PCLO: variants seen among roughly 807,000 people sequenced by gnomAD.
PCLO encodes protein piccolo.
In PCLO, 82 loss-of-function variants were observed where a neutral mutation model predicts 427.5. The ratio of observed to expected loss-of-function variants is 0.19; its 90% confidence interval spans 0.16 to 0.23. The LOEUF is 0.23. PCLO is among the 10% of genes least tolerant of loss of function. The pLI, the probability that PCLO is intolerant of heterozygous loss-of-function variation, is 1.00. For synonymous variants in PCLO, 2,357 were observed against 2,155.4 expected (o/e 1.09, Z -2.59); for missense variants, 6,239 against 6,115.9 (o/e 1.02, Z -0.67).
chr7:83,152,120 A>G (rs577416293), intron 2 of PCLO, among the ~76,000 whole-genome samples: 4 of 151,864 alleles, frequency 2.6e-5, no homozygotes, highest in African/African-American at 9.7e-5. Context: ...GCCCGCCACC[A>G]CGCCCGGCTA....
intron 20 of PCLO, chr7:82,821,712 T>A: frequency 1.0e-6 from 1 of 983,372 alleles, no homozygotes; most frequent in Non-Finnish European, 1.2e-6. Flanking sequence ...TGATTTCCAA[T>A]GGTTAGAAAA....
chr7:82,806,959 T>C (rs35541796), intron 20 of PCLO, among the ~76,000 whole-genome samples: 150 of 100,136 alleles, frequency 1.5e-3, no homozygotes, highest in Middle Eastern at 4.7e-3. Context: ...TCTATTCTCT[T>C]CTCAAGGTAT....
chr7:82,904,094 A>G (rs1235696081), intron 8 of PCLO, among the ~76,000 whole-genome samples: 1 of 152,004 alleles, frequency 6.6e-6, no homozygotes. Flanking sequence ...GCAGAGTAAA[A>G]CAAAAATACT....
chr7:82,812,872 C>T (rs1006665479), intron 20 of PCLO, among the ~76,000 whole-genome samples: 2 of 151,010 alleles, frequency 1.3e-5, no homozygotes, highest in Non-Finnish European at 3.0e-5. Flanking sequence ...ACTACACTTG[C>T]ATTAGGCTGT....
chr7:83,012,959 T>G (rs920356153), intron 3 of PCLO, among the ~76,000 whole-genome samples: 1 of 152,150 alleles, frequency 6.6e-6, no homozygotes, highest in Non-Finnish European at 1.5e-5. Flanking sequence ...AACTTCCCTA[T>G]GCTGCCACAC....
intron 21 of PCLO, among the ~76,000 whole-genome samples, chr7:82,804,582 G>T (rs769481579): frequency 6.6e-6 from 1 of 152,072 alleles, no homozygotes; most frequent in Non-Finnish European, 1.5e-5. Flanking sequence ...TCACAACCCA[G>T]CTCAGGGTTG....
At chr7:82,902,272 T>C (rs1794061794) in intron 9 of PCLO, among the ~76,000 whole-genome samples, 1 of 151,690 alleles carries the variant, frequency 6.6e-6, no homozygotes, top group Admixed American at 6.6e-5. Context: ...TCATGTCCTT[T>C]GTAGGGACAT....
chr7:83,093,620 G>A lies in PCLO; in HGVS notation c.3300+40630C>T, dbSNP rs1328434234. Among the ~76,000 whole-genome samples the A allele has an allele frequency of 3.4e-5, 5 of 147,816 alleles. No homozygotes were observed. In the South Asian group the frequency reaches 8.5e-4, roughly 25 times the overall value. ...CCATTCTCCTGCCTCAGCCTCCCGA[G>A]TAGCTGGGACTACAGGCGCCCGCTA... On this transcript the variant is annotated intron_variant, in intron 3 of 24. Coordinates refer to ENST00000333891, the MANE Select transcript of PCLO (RefSeq NM_033026.6).
intron 22 of PCLO, among the ~76,000 whole-genome samples, chr7:82,777,294 G>A (rs929059056): frequency 1.3e-5 from 2 of 152,112 alleles, no homozygotes; most frequent in Non-Finnish European, 2.9e-5. Flanking sequence ...CTCACGGATA[G>A]GGAGAATCAA....
At chr7:82,894,175 C>T (rs1793844762) in intron 9 of PCLO, among the ~76,000 whole-genome samples, 1 of 151,898 alleles carries the variant, frequency 6.6e-6, no homozygotes, top group African/African-American at 2.4e-5. Context: ...AAAATTTTCT[C>T]CCAAATAATG....
At chr7:82,822,040 G>A (rs1791805149) in intron 20 of PCLO, 13 of 991,642 alleles carry the variant, frequency 1.3e-5, no homozygotes, top group Non-Finnish European at 1.6e-5. Flanking sequence ...CTTTTTGAGT[G>A]TTTTCAGATA....
At chr7:82,919,508 G>T (rs1249158124) in intron 6 of PCLO, among the ~76,000 whole-genome samples, 7 of 151,858 alleles carry the variant, frequency 4.6e-5, no homozygotes, top group African/African-American at 1.7e-4. Context: ...ATTTTAAATG[G>T]TTTTAAAACA....
intron 3 of PCLO, among the ~76,000 whole-genome samples, chr7:83,012,551 A>G (rs930147605): frequency 6.9e-6 from 1 of 144,076 alleles, no homozygotes; most frequent in African/African-American, 2.5e-5. Flanking sequence ...CAGGAGGCAG[A>G]GGTTGCGGTG....
In PCLO at chr7:83,162,496, A is replaced by G; in HGVS notation, c.97T>C (p.Ser33Pro). The G allele has an allele frequency of 6.4e-7, 1 of 1,570,768 alleles. No homozygotes were observed. The highest frequency in any genetic ancestry group is 8.6e-7 in the Non-Finnish European group (1 of 1,158,108). The change falls in exon 1 of 25, where the codon TCT (serine) becomes CCT (proline). Residue 33 changes from serine to proline, a missense_variant. Coordinates refer to ENST00000333891, the MANE Select transcript of PCLO (RefSeq NM_033026.6). ...GGGASGAGSP[S>P]HTAIPAGMEA... ...ATGCCGGCCGGGATCGCGGTGTGAGAGGGGCTCCCCGCCCCGCTAGCTCCT... is the reference window on the plus strand; with the variant it reads ...ATGCCGGCCGGGATCGCGGTGTGAGGGGGGCTCCCCGCCCCGCTAGCTCCT...
chr7:82,841,351 T>C, intron 14 of PCLO, 108 bp downstream of exon 14: 1 of 710,610 alleles, frequency 1.4e-6, no homozygotes, highest in Non-Finnish European at 2.6e-6. Context: ...GTTCTGTATA[T>C]ATTACAGAAT....
intron 22 of PCLO, among the ~76,000 whole-genome samples, chr7:82,787,389 T>G (rs1791007814): frequency 6.6e-6 from 1 of 152,192 alleles, no homozygotes; most frequent in Admixed American, 6.5e-5. Flanking sequence ...TATCTTCTTT[T>G]GAGAAGAAGA....
chr7:82,973,237 A>C (rs2115716753), intron 3 of PCLO, among the ~76,000 whole-genome samples: 1 of 152,172 alleles, frequency 6.6e-6, no homozygotes, highest in African/African-American at 2.4e-5. Context: ...TCCCTTCAAA[A>C]AATAAATGAA....
intron 7 of PCLO, among the ~76,000 whole-genome samples, chr7:82,911,963 A>G (rs1252539724): frequency 1.3e-5 from 2 of 152,150 alleles, no homozygotes; most frequent in Non-Finnish European, 2.9e-5. Context: ...ATAAATATTA[A>G]GCAACATAAA....
chr7:82,873,818 TG>T (rs201751274), intron 10 of PCLO, among the ~76,000 whole-genome samples: 2 of 137,336 alleles, frequency 1.5e-5, no homozygotes, highest in Non-Finnish European at 1.6e-5. Context: ...AGTTCTAGAT[TG>T]GGGGGGTGGT....
Sources: allele counts gnomAD v4.1 joint callset (sites outside exome capture counted in the v4.1 genomes callset), GRCh38; gene constraint gnomAD v4.1.1; transcripts MANE v1.5; gene names NCBI Gene and HGNC (gene_info 2026-07-23, HGNC 2026-07-21).